Variants in RGS12 observed in about 807,000 individuals in gnomAD.
RGS12 encodes regulator of G-protein signaling 12.
RGS12 carries 66 observed loss-of-function variants against 120.1 expected under a neutral mutation model. The observed-to-expected ratio is 0.55, with a 90% CI of 0.45 to 0.67. The LOEUF (loss-of-function observed/expected upper bound fraction) is 0.67, where lower values mean the gene tolerates loss of function less well. Among genes scored for constraint, RGS12 ranks in the 30% least tolerant of loss-of-function variants. RGS12 has a pLI of 0.00. For synonymous variants in RGS12, 827 were observed against 804.7 expected, an observed-to-expected ratio of 1.03 and a Z score of -0.47; for missense variants, 1,859 against 1,957.7, an observed-to-expected ratio of 0.95 and a Z score of 0.95.
chr4:3,384,347 T>G (rs530632780), intron 3 of RGS12, among the ~76,000 whole-genome samples: 28 of 152,016 alleles, frequency 1.8e-4, no homozygotes, highest in Non-Finnish European at 3.1e-4. Context: ...AGAGACGAGG[T>G]CTCTTCATGT....
intron 2 of RGS12, among the ~76,000 whole-genome samples, chr4:3,331,742 T>G (rs1026960826): frequency 6.6e-6 from 1 of 152,198 alleles, no homozygotes; most frequent in African/African-American, 2.4e-5. Flanking sequence ...AGCATCGCAC[T>G]GCTCTCCATC....
At position 3,430,958 on chromosome 4, in the gene RGS12, A is replaced by C; in HGVS notation, c.4114+3A>C. On this transcript the variant is annotated splice_donor_region_variant and intron_variant, in intron 17 of 17. Transcript: ENST00000336727. ...AGTGCCAGGACCTTCCAGACCAGGT[A>C]CCTCCAGGTTCTGATCCCTCCACCT... 6.2e-7 allele frequency: 1 copy of C among 1,611,954 alleles called. No individual in the cohort carries two copies. The highest frequency in any genetic ancestry group is 8.5e-7 in the Non-Finnish European group (1 of 1,179,922).
intron 3 of RGS12, among the ~76,000 whole-genome samples, chr4:3,381,805 A>G (rs1031497371): frequency 4.6e-5 from 7 of 152,254 alleles, no homozygotes; most frequent in Admixed American, 1.3e-4. Flanking sequence ...CCAAGTTTTC[A>G]TACTTTCAGA....
intron 3 of RGS12, among the ~76,000 whole-genome samples, chr4:3,364,008 A>G (rs947747647): frequency 7.2e-5 from 11 of 152,148 alleles, no homozygotes; most frequent in African/African-American, 2.2e-4. Flanking sequence ...GCTCAGTCAC[A>G]TGGTCTGTGG....
chr4:3,294,899 C>G (rs1224711939), intron 1 of RGS12, among the ~76,000 whole-genome samples: 1 of 152,112 alleles, frequency 6.6e-6, no homozygotes, highest in Non-Finnish European at 1.5e-5. Flanking sequence ...CTCACGTGGA[C>G]TGGAGGTACA....
intron 3 of RGS12, among the ~76,000 whole-genome samples, chr4:3,375,243 C>A (rs1321524619): frequency 1.3e-5 from 2 of 148,546 alleles, no homozygotes; most frequent in African/African-American, 2.6e-5. Context: ...CCAGCCTCAT[C>A]TCCAGCCCTC....
At chr4:3,288,485 C>T (rs1220340787), upstream of RGS12, among the ~76,000 whole-genome samples, 3 of 152,194 alleles carry the variant, frequency 2.0e-5, no homozygotes, top group Admixed American at 2.0e-4. The surrounding 1 kb of genome is among the most constrained non-coding windows in gnomAD (Gnocchi z 5.2). Flanking sequence ...TGGGGACATG[C>T]AGGCCCATGG....
chr4:3,384,420 C>G (rs1352473205), intron 3 of RGS12, among the ~76,000 whole-genome samples: 2 of 152,208 alleles, frequency 1.3e-5, no homozygotes, highest in Admixed American at 6.5e-5. Flanking sequence ...TCCCAAAGTG[C>G]TGGGATTACA....
intron 4 of RGS12, among the ~76,000 whole-genome samples, chr4:3,393,387 T>C (rs745899216): frequency 6.6e-6 from 1 of 152,184 alleles, no homozygotes; most frequent in Non-Finnish European, 1.5e-5. Context: ...TGGAGGCTCC[T>C]GTGAGGTCCC....
chr4:3,305,156 G>A (rs1723903959), intron 1 of RGS12, among the ~76,000 whole-genome samples: 1 of 152,246 alleles, frequency 6.6e-6, no homozygotes, highest in Non-Finnish European at 1.5e-5. Flanking sequence ...TCCCTGAGAG[G>A]GAGTGAGGGA....
intron 4 of RGS12, among the ~76,000 whole-genome samples, chr4:3,410,529 C>T (rs952496168): frequency 5.9e-5 from 9 of 152,334 alleles, no homozygotes; most frequent in Admixed American, 2.0e-4. Context: ...CAGCACTGGG[C>T]GGGAGGTCCT....
intron 2 of RGS12, 41 bp downstream of exon 2, chr4:3,318,092 C>T: frequency 6.5e-7 from 1 of 1,533,152 alleles, no homozygotes; most frequent in Non-Finnish European, 8.8e-7. Flanking sequence ...GGCCCGGCCT[C>T]CTCACTTAGC....
In RGS12 at chr4:3,296,520, A is replaced by G. The variant is rs560464726; in HGVS notation, c.-102+3421A>G. Among the ~76,000 whole-genome samples, 80 of 152,278 alleles carry G rather than the reference A, an allele frequency of 5.3e-4. 1 individual carries two copies. The South Asian group carries it at 0.011, about 22-fold the overall frequency. On this transcript the variant is annotated intron_variant, in intron 1 of 17. Transcript: ENST00000336727. ...CTTCTTCTGCCATGTTCAAATTTCCAGGATAATCTCCTTGTCCTGGGAGCC... is the reference window on the plus strand; with the variant it reads ...CTTCTTCTGCCATGTTCAAATTTCCGGGATAATCTCCTTGTCCTGGGAGCC...
chr4:3,421,535 G>A (rs1427189697), intron 10 of RGS12, among the ~76,000 whole-genome samples: 3 of 152,266 alleles, frequency 2.0e-5, no homozygotes, highest in Non-Finnish European at 4.4e-5. Flanking sequence ...GCCTTGCCGT[G>A]TGTTTCTGGT....
chr4:3,373,748 T>C (rs965525076), intron 3 of RGS12, among the ~76,000 whole-genome samples: 2 of 152,184 alleles, frequency 1.3e-5, no homozygotes, highest in Non-Finnish European at 2.9e-5. Flanking sequence ...CTGAGCCTGG[T>C]GCAGGAGGGC....
chr4:3,302,300 A>G (rs1000759465), intron 1 of RGS12, among the ~76,000 whole-genome samples: 1 of 128,946 alleles, frequency 7.8e-6, no homozygotes, highest in Non-Finnish European at 1.6e-5. Context: ...GTGAGCTCAC[A>G]GGGCAGGCCC....
intron 3 of RGS12, among the ~76,000 whole-genome samples, chr4:3,361,443 G>C (rs1715550127): frequency 6.6e-6 from 1 of 152,174 alleles, no homozygotes; most frequent in Non-Finnish European, 1.5e-5. Flanking sequence ...TTGAATGGCT[G>C]GGGCATCAGC....
chr4:3,378,128 A>T (rs911580707), intron 3 of RGS12: 1 of 152,224 alleles, frequency 6.6e-6, no homozygotes, highest in East Asian at 1.9e-4. Flanking sequence ...ATGAGAGTAC[A>T]CATTAGGAAT....
At chr4:3,334,964 G>T (rs1175708848) in intron 2 of RGS12, among the ~76,000 whole-genome samples, 2 of 152,042 alleles carry the variant, frequency 1.3e-5, no homozygotes, top group African/African-American at 4.8e-5. Flanking sequence ...CTTATGTTTT[G>T]TTTTGTTTTG....
Sources: allele counts gnomAD v4.1 joint callset (sites outside exome capture counted in the v4.1 genomes callset), GRCh38; gene constraint gnomAD v4.1.1; non-coding constraint Gnocchi (gnomAD v3.1); transcripts MANE v1.5; gene names NCBI Gene and HGNC (gene_info 2026-07-23, HGNC 2026-07-21).